The following NEK6 variants were observed in gnomAD, a reference collection of about 807,000 sequenced individuals.
The protein encoded by NEK6 is serine/threonine-protein kinase Nek6.
Under a neutral mutation model 43.5 loss-of-function variants are expected in NEK6, and 27 were observed. The ratio of observed to expected loss-of-function variants is 0.62; its 90% CI spans 0.46 to 0.86. The LOEUF (loss-of-function observed/expected upper bound fraction) is 0.86. NEK6 is among the 40% of genes least tolerant of loss of function. The pLI, the probability that NEK6 is intolerant of heterozygous loss-of-function variation, is 0.00. For synonymous variants in NEK6, 167 were observed against 164.1 expected (o/e 1.02, Z -0.14); for missense variants, 318 against 414.4 (o/e 0.77, Z 2.02).
chr9:124,314,089 G>C lies in NEK6; in HGVS notation c.294+104G>C, dbSNP rs578154891. ...CACAGCCCTTGGGTGCCAGGAATCCGCAGCCCCTGCTAAGTTAACAGACGA... is the reference window on the plus strand; with the variant it reads ...CACAGCCCTTGGGTGCCAGGAATCCCCAGCCCCTGCTAAGTTAACAGACGA... On this transcript the variant is annotated intron_variant, in intron 4 of 9. Coordinates refer to ENST00000320246, the MANE Select transcript of NEK6 (RefSeq NM_014397.6). 7.7e-5 allele frequency: 76 copies of C among 987,246 alleles called. 1 individual carries two copies. The South Asian group carries it at 9.8e-4, about 13-fold the overall frequency. The allele number at this position is 987,246 out of a possible 1,614,324, so 61.2% of individuals were successfully genotyped here.
intron 2 of NEK6, among the ~76,000 whole-genome samples, chr9:124,311,270 C>T (rs571382715): frequency 6.6e-6 from 1 of 152,376 alleles, no homozygotes; most frequent in South Asian, 2.1e-4. Flanking sequence ...AGACCCACTT[C>T]ATGCTAGAAA....
Position 124,326,951 on chromosome 9 carries a change from C to G in NEK6, c.515-387C>G, listed in dbSNP as rs1289754945. On this transcript the variant is annotated intron_variant, in intron 6 of 9. Transcript: ENST00000320246. The surrounding 1 kb of genome is among the most constrained non-coding windows in gnomAD (Gnocchi z 4.5). Reference sequence around the variant, plus strand: ...TGCTGTATTGGAGGCCCCGCCCTCACTGGGGGGTACGGCACTGGGTGCTCC... The same window carrying G: ...TGCTGTATTGGAGGCCCCGCCCTCAGTGGGGGGTACGGCACTGGGTGCTCC... Among the ~76,000 whole-genome samples the G allele has an allele frequency of 6.6e-6, 1 of 152,158 alleles. No individual in the cohort carries two copies. Among genetic ancestry groups the G allele is most frequent in the Admixed American group, 6.5e-5 (1 of 15,286 alleles).
intron 2 of NEK6, among the ~76,000 whole-genome samples, chr9:124,305,086 T>G (rs974479682): frequency 6.6e-6 from 1 of 152,090 alleles, no homozygotes. Flanking sequence ...GCAAAGCCAG[T>G]TGGGATGTGC....
intron 1 of NEK6, among the ~76,000 whole-genome samples, chr9:124,291,433 C>A (rs1468346258): frequency 1.3e-5 from 2 of 152,128 alleles, no homozygotes; most frequent in Non-Finnish European, 2.9e-5. Context: ...TCGAGACCAG[C>A]CTGACCAACA....
chr9:124,308,985 G>A (rs1219847580), intron 2 of NEK6, among the ~76,000 whole-genome samples: 2 of 152,248 alleles, frequency 1.3e-5, no homozygotes, highest in African/African-American at 4.8e-5. Context: ...AGGCCTTCCA[G>A]GCCAAGGACA....
At chr9:124,334,600 G>A (rs1829194045) in intron 7 of NEK6, among the ~76,000 whole-genome samples, 1 of 152,236 alleles carries the variant, frequency 6.6e-6, no homozygotes, top group Non-Finnish European at 1.5e-5. Flanking sequence ...GAGGGAGGAG[G>A]TGGTGACAGA....
chr9:124,274,267 G>A (rs1831567632), intron 1 of NEK6, among the ~76,000 whole-genome samples: 1 of 152,266 alleles, frequency 6.6e-6, no homozygotes. Context: ...GGCATGTGAT[G>A]GCCCCAGTGG....
chr9:124,294,429 T>G (rs1239069394), intron 1 of NEK6, among the ~76,000 whole-genome samples: 1 of 151,006 alleles, frequency 6.6e-6, no homozygotes. Flanking sequence ...GAGGCGGAGG[T>G]TGCAGTCAGC....
intron 1 of NEK6, among the ~76,000 whole-genome samples, chr9:124,290,471 A>G (rs1455221489): frequency 1.3e-5 from 2 of 152,380 alleles, no homozygotes; most frequent in Admixed American, 6.5e-5. Flanking sequence ...CCTCGGTGCC[A>G]GGATCTCACT....
chr9:124,291,541 GC>G (rs1323507924), intron 1 of NEK6, among the ~76,000 whole-genome samples: 2 of 152,178 alleles, frequency 1.3e-5, no homozygotes, highest in Non-Finnish European at 2.9e-5. Flanking sequence ...CAGGAGAATC[GC>G]TTGAACCTCG....
intron 1 of NEK6, among the ~76,000 whole-genome samples, chr9:124,291,091 G>A (rs542746230): frequency 1.8e-4 from 28 of 152,306 alleles, no homozygotes; most frequent in African/African-American, 6.5e-4. Flanking sequence ...TATCTGCCTT[G>A]TGCCCCGCCT....
At chr9:124,290,593 A>G (rs1832374433) in intron 1 of NEK6, among the ~76,000 whole-genome samples, 1 of 152,218 alleles carries the variant, frequency 6.6e-6, no homozygotes, top group Admixed American at 6.5e-5. Flanking sequence ...CTCGTTCTGA[A>G]AAAGGAAGCA....
intron 1 of NEK6, among the ~76,000 whole-genome samples, chr9:124,298,287 C>G (rs1187685750): frequency 6.7e-6 from 1 of 150,200 alleles, no homozygotes; most frequent in Non-Finnish European, 1.5e-5. Flanking sequence ...TAGGGGCTTG[C>G]AGAGTCCTCC....
At chr9:124,259,884 T>C (rs1224777482) in intron 1 of NEK6, among the ~76,000 whole-genome samples, 1 of 152,208 alleles carries the variant, frequency 6.6e-6, no homozygotes, top group East Asian at 1.9e-4. Context: ...GATTTAGAGC[T>C]GTTTGGGTTT....
At chr9:124,304,300 A>C (rs1833146218) in intron 2 of NEK6, among the ~76,000 whole-genome samples, 1 of 152,158 alleles carries the variant, frequency 6.6e-6, no homozygotes, top group Admixed American at 6.5e-5. Flanking sequence ...TGGGCCAGGC[A>C]TTTTCCTTGA....
chr9:124,270,071 C>A (rs560057780), intron 1 of NEK6, among the ~76,000 whole-genome samples: 14 of 150,392 alleles, frequency 9.3e-5, no homozygotes, highest in East Asian at 7.8e-4. Context: ...CCTTCCACGC[C>A]CCCCCCCCAT....
At position 124,275,209 on chromosome 9, in the gene NEK6, T is replaced by C. The variant is rs1200983795; in HGVS notation, c.-30+17124T>C. Reference sequence around the variant, plus strand: ...CCAACAGTTGGAATCCTACAGTGAATGTTTTTAAAAACGTAATTTTAAACT... The same window carrying C: ...CCAACAGTTGGAATCCTACAGTGAACGTTTTTAAAAACGTAATTTTAAACT... On this transcript the variant is annotated intron_variant, in intron 1 of 9. Coordinates refer to ENST00000320246, the MANE Select transcript of NEK6 (RefSeq NM_014397.6). This position sits in a 1 kb window ranked among gnomAD's most constrained non-coding sequence, Gnocchi z 4.4. 6.6e-6 allele frequency among the ~76,000 whole-genome samples: 1 copy of C among 152,252 alleles called. No individual in the cohort carries two copies. Among genetic ancestry groups the C allele is most frequent in the Non-Finnish European group, 1.5e-5 (1 of 68,040 alleles).
chr9:124,350,925 A>ACAT lies in NEK6; in HGVS notation c.922_924dup (p.Ile308dup). On this transcript the variant is annotated inframe_insertion, in exon 10 of 10. Coordinates refer to ENST00000320246, the MANE Select transcript of NEK6 (RefSeq NM_014397.6). ...GTGCACCAGGTGGCCAAGCAGATGC[A>ACAT]CATCTGGATGTCCAGCACCTGAGCG... 6.2e-7 allele frequency: 1 copy of ACAT among 1,609,924 alleles called. No homozygotes were observed. The highest frequency in any genetic ancestry group is 8.5e-7 in the Non-Finnish European group (1 of 1,179,636).
rs1829740297 is a variant in NEK6 at position 124,343,211 on chromosome 9, G to T, written c.717+3546G>T. 6.6e-6 allele frequency among the ~76,000 whole-genome samples: 1 copy of T among 151,448 alleles called. No homozygotes were observed. Among genetic ancestry groups the T allele is most frequent in the South Asian group, 2.1e-4 (1 of 4,780 alleles). On this transcript the variant is annotated intron_variant, in intron 8 of 9. Transcript: ENST00000320246. This position sits in a 1 kb window ranked among gnomAD's most constrained non-coding sequence, Gnocchi z 5.1. The stretch of plus-strand genomic sequence containing the variant: ...GGGGCTGTGCGGCTCGCAGCTGGGG[G>T]GGCTGGACCACAGCCGGGGGGCGGT...
Sources: gnomAD v4.1 joint callset for allele counts (sites outside exome capture counted in the v4.1 genomes callset) on GRCh38, gnomAD v4.1.1 for gene constraint, Gnocchi (gnomAD v3.1) non-coding constraint, MANE v1.5 for transcripts, NCBI Gene and HGNC (gene_info 2026-07-23, HGNC 2026-07-21) for gene names.